Variants in RPS6KA2 observed in about 807,000 individuals in gnomAD.
The protein encoded by RPS6KA2 is ribosomal protein S6 kinase A2, also known as ribosomal protein S6 kinase alpha-2.
In RPS6KA2, 42 loss-of-function variants were observed where a neutral mutation model predicts 91.8. The ratio of observed to expected loss-of-function variants is 0.46; its 90% CI spans 0.36 to 0.59. The LOEUF is 0.59. Ranked by LOEUF, RPS6KA2 falls within the 20% of genes least tolerant of loss-of-function variation. The pLI is 0.00. For missense variants in RPS6KA2, 798 were observed against 978.5 expected (o/e 0.82, Z 2.46); for synonymous variants, 414 against 393.6 (o/e 1.05, Z -0.61).
chr6:166,504,700 G>A, intron 5 of RPS6KA2, 88 bp from the exon 6 acceptor site: 1 of 911,414 alleles, frequency 1.1e-6, no homozygotes. Context: ...CAGAGAGACT[G>A]AGAGTCCACA....
At chr6:166,627,648 G>A (rs1562351982), upstream of RPS6KA2, 1 of 152,302 alleles carries the variant, frequency 6.6e-6, no homozygotes, top group East Asian at 1.9e-4. Context: ...AATGAGCCTC[G>A]GCCCGGGACA....
intron 2 of RPS6KA2, among the ~76,000 whole-genome samples, chr6:166,785,589 T>G (rs2128612173): frequency 6.6e-6 from 1 of 152,382 alleles, no homozygotes; most frequent in South Asian, 2.1e-4. Context: ...TACGAGAATC[T>G]GAGCAACATG....
Position 166,459,532 on chromosome 6 carries a change from A to G in RPS6KA2, c.992T>C (p.Ile331Thr), listed in dbSNP as rs780391199. 123 of 1,613,646 alleles carry G rather than the reference A, an allele frequency of 7.6e-5. No homozygotes were observed. The highest frequency in any genetic ancestry group is 9.9e-5 in the Non-Finnish European group (117 of 1,179,736). The change falls in exon 12 of 21, where the codon ATC becomes ACC. Residue 331 changes from isoleucine (I) to threonine (T), a missense_variant. By Grantham distance (89) the Ile-to-Thr change is moderately conservative (BLOSUM62 -1). Coordinates refer to ENST00000265678, the MANE Select transcript of RPS6KA2 (RefSeq NM_021135.6). This position sits in a 1 kb window ranked among gnomAD's most constrained non-coding sequence, Gnocchi z 4.9. ...IDWNTLYRKE[I>T]KPPFKPAVGR... Reference sequence around the variant, plus strand: ...CACTGCTGGTTTGAACGGTGGCTTGATCTCCTTCCGGTACAGCGTCTATTA... The same window carrying G: ...CACTGCTGGTTTGAACGGTGGCTTGGTCTCCTTCCGGTACAGCGTCTATTA...
chr6:166,746,035 C>T (rs538463249), intron 2 of RPS6KA2, among the ~76,000 whole-genome samples: 3 of 152,304 alleles, frequency 2.0e-5, no homozygotes, highest in East Asian at 1.9e-4. Context: ...AAGAAGTATC[C>T]GTGTTGCAGC....
chr6:166,488,939 A>G lies in RPS6KA2; in HGVS notation c.819-18T>C. On this transcript the variant is annotated intron_variant, in intron 9 of 20. Coordinates refer to ENST00000265678, the MANE Select transcript of RPS6KA2 (RefSeq NM_021135.6). ...GCTTGGCTCTGAAAAACAAGATCCT[A>G]TTTTAGGATCTATTTTAGGAGAACA... The G allele has an allele frequency of 1.2e-6, 2 of 1,601,864 alleles. No individual in the cohort carries two copies. The highest frequency in any genetic ancestry group is 1.3e-5 in the African/African-American group (1 of 74,862).
intron 2 of RPS6KA2, among the ~76,000 whole-genome samples, chr6:166,664,879 A>G (rs1052945469): frequency 1.4e-4 from 22 of 152,312 alleles, no homozygotes; most frequent in Admixed American, 8.5e-4. Flanking sequence ...TCGCCTCCTG[A>G]ACACAGATAG....
At chr6:166,556,312 C>T (rs151079804) in intron 1 of RPS6KA2, among the ~76,000 whole-genome samples, 4 of 152,300 alleles carry the variant, frequency 2.6e-5, no homozygotes, top group East Asian at 3.9e-4. Flanking sequence ...GCTCCACAGG[C>T]GACTGACTGT....
At chr6:166,831,928 T>C (rs142764461) in intron 2 of RPS6KA2, among the ~76,000 whole-genome samples, 3 of 151,760 alleles carry the variant, frequency 2.0e-5, no homozygotes, top group Admixed American at 1.3e-4. Context: ...AGACAGATGA[T>C]AGATAATAGA....
intron 2 of RPS6KA2, among the ~76,000 whole-genome samples, chr6:166,816,962 G>A (rs141290400): frequency 2.5e-3 from 377 of 152,224 alleles, no homozygotes; most frequent in African/African-American, 8.3e-3. Context: ...CCGAGTCCAC[G>A]CCCCAAACAC....
At chr6:166,569,826 G>A (rs982042825) in intron 1 of RPS6KA2, among the ~76,000 whole-genome samples, 2 of 152,282 alleles carry the variant, frequency 1.3e-5, no homozygotes, top group African/African-American at 4.8e-5. Flanking sequence ...ACTTGGTGCC[G>A]ATTCCTTGCA....
At position 166,510,339 on chromosome 6, in the gene RPS6KA2, G is replaced by A. The variant is rs758929555; in HGVS notation, c.317C>T (p.Ser106Leu). The A allele has an allele frequency of 1.1e-5, 18 of 1,598,896 alleles. No individual in the cohort carries two copies. The highest frequency in any genetic ancestry group is 1.7e-5 in the Admixed American group (1 of 58,804). ...ATLKVRDRVR[S>L]KMERDILAEV... Reference sequence around the variant, plus strand: ...TGCCAAGATGTCTCTCTCCATCTTCGATCTCACTCGGTCCCGAACTGCAAA... The same window carrying A: ...TGCCAAGATGTCTCTCTCCATCTTCAATCTCACTCGGTCCCGAACTGCAAA... Residue 106 changes from serine (S) to leucine (L), a missense_variant, in exon 4 of 21, where the codon TCG becomes TTG. Coordinates refer to ENST00000265678, the MANE Select transcript of RPS6KA2 (RefSeq NM_021135.6).
chr6:166,504,947 C>G (rs1204075286), intron 5 of RPS6KA2, among the ~76,000 whole-genome samples: 1 of 152,194 alleles, frequency 6.6e-6, no homozygotes, highest in Non-Finnish European at 1.5e-5. Context: ...GGTTTACATT[C>G]TAGCATGAGT....
intron 2 of RPS6KA2, among the ~76,000 whole-genome samples, chr6:166,709,983 C>A (rs1054819762): frequency 6.6e-6 from 1 of 152,168 alleles, no homozygotes; most frequent in Admixed American, 6.5e-5. Context: ...ACGCCATATT[C>A]TATTATCGAA....
Position 166,703,883 on chromosome 6 carries a change from G to A in RPS6KA2, c.123+154317C>T, listed in dbSNP as rs552293547. Among the ~76,000 whole-genome samples, 46 of 152,270 alleles carry A rather than the reference G, an allele frequency of 3.0e-4. No homozygotes were observed. The South Asian group carries it at 5.4e-3, about 18-fold the overall frequency. ...CAAAAGGAGAATGGAAAAAATTATAGAAATATGAAATGGGACTTACAATGA... is the reference window on the plus strand; with the variant it reads ...CAAAAGGAGAATGGAAAAAATTATAAAAATATGAAATGGGACTTACAATGA... On this transcript the variant is annotated intron_variant, in intron 2 of 21. Transcript: ENST00000503859.
chr6:166,510,576 T>TATATATATATAA (rs1782437822), intron 3 of RPS6KA2, among the ~76,000 whole-genome samples: 1 of 39,008 alleles, frequency 2.6e-5, no homozygotes. Context: ...TATATATATA[T>TATATATATATAA]ATATATATAT....
intron 1 of RPS6KA2, among the ~76,000 whole-genome samples, chr6:166,597,118 G>A (rs1220198189): frequency 6.6e-6 from 1 of 152,206 alleles, no homozygotes; most frequent in African/African-American, 2.4e-5. Context: ...ACGAGACCAA[G>A]TGAGATGGAG....
At chr6:166,813,565 T>C (rs529535892) in intron 2 of RPS6KA2, among the ~76,000 whole-genome samples, 1 of 152,294 alleles carries the variant, frequency 6.6e-6, no homozygotes, top group South Asian at 2.1e-4. Context: ...CTAAAATCAA[T>C]GTGTCTGCAG....
intron 2 of RPS6KA2, among the ~76,000 whole-genome samples, chr6:166,727,589 C>A (rs1252483284): frequency 2.0e-5 from 3 of 152,058 alleles, no homozygotes; most frequent in Non-Finnish European, 4.4e-5. Flanking sequence ...TAAGGTACAG[C>A]ACCCTAAGCA....
intron 2 of RPS6KA2, among the ~76,000 whole-genome samples, chr6:166,536,267 T>G (rs1783475023): frequency 6.6e-6 from 1 of 152,134 alleles, no homozygotes; most frequent in African/African-American, 2.4e-5. Context: ...AGGCAGGAGG[T>G]GGAAACCTGA....
Sources: allele counts gnomAD v4.1 joint callset (sites outside exome capture counted in the v4.1 genomes callset), GRCh38; gene constraint gnomAD v4.1.1; non-coding constraint Gnocchi (gnomAD v3.1); transcripts MANE v1.5; gene names NCBI Gene and HGNC (gene_info 2026-07-23, HGNC 2026-07-21).